Variants in PARVA observed in about 807,000 individuals in gnomAD.
The protein encoded by PARVA is parvin alpha, also known as alpha-parvin.
Under a neutral mutation model 52.6 loss-of-function variants are expected in PARVA, and 25 were observed. The ratio of observed to expected loss-of-function variants is 0.48; its 90% CI spans 0.35 to 0.66. PARVA has a LOEUF of 0.66. Among genes scored for constraint, PARVA ranks in the 30% least tolerant of loss-of-function variants. The probability of loss-of-function intolerance (pLI) is 0.01; values close to 1 mark genes in which losing one functional copy is unlikely to be tolerated. For missense variants in PARVA, 373 were observed against 450.9 expected (o/e 0.83, Z 1.56); for synonymous variants, 185 against 179.1 (o/e 1.03, Z -0.26).
intron 1 of PARVA, among the ~76,000 whole-genome samples, chr11:12,451,509 A>G (rs964589063): frequency 1.3e-5 from 2 of 151,600 alleles, no homozygotes; most frequent in Admixed American, 6.6e-5. Flanking sequence ...TATCCTATTT[A>G]TATCAAACAT....
At chr11:12,381,720 TAAAG>T in intron 1 of PARVA, among the ~76,000 whole-genome samples, 1 of 152,196 alleles carries the variant, frequency 6.6e-6, no homozygotes, top group East Asian at 1.9e-4. Context: ...GAAAATGTTA[TAAAG>T]AAAATCATAA....
chr11:12,441,906 G>C (rs562160448), intron 1 of PARVA, among the ~76,000 whole-genome samples: 96 of 152,364 alleles, frequency 6.3e-4, no homozygotes, highest in African/African-American at 2.2e-3. Flanking sequence ...AAAATGTATA[G>C]TAATAGTTGA....
At chr11:12,472,009 A>C (rs1940941787) in intron 1 of PARVA, among the ~76,000 whole-genome samples, 1 of 152,242 alleles carries the variant, frequency 6.6e-6, no homozygotes, top group South Asian at 2.1e-4. Flanking sequence ...CTGAGAAAGA[A>C]AGAAAACTGG....
intron 5 of PARVA, 62 bp downstream of exon 5, chr11:12,496,660 T>C: frequency 6.5e-7 from 1 of 1,530,306 alleles, no homozygotes; most frequent in Non-Finnish European, 8.9e-7. Flanking sequence ...CCATGGGGCT[T>C]CCCCAAGAAG....
intron 1 of PARVA, among the ~76,000 whole-genome samples, chr11:12,441,985 C>T (rs139518726): frequency 0.018 from 2,797 of 152,278 alleles, 32 homozygotes; most frequent in Non-Finnish European, 0.028. Flanking sequence ...GGAAAATTGC[C>T]GACAGGTCGA....
At chr11:12,496,387 A>T in intron 4 of PARVA, 71 bp from the exon 5 acceptor site, 1 of 1,339,166 alleles carries the variant, frequency 7.5e-7, no homozygotes, top group Non-Finnish European at 1.0e-6. Context: ...CGAATAACTG[A>T]GTAAGTGCAT....
intron 3 of PARVA, 50 bp from the exon 4 acceptor site, chr11:12,477,797 C>A: frequency 6.4e-6 from 6 of 931,740 alleles, no homozygotes; most frequent in Non-Finnish European, 1.1e-5. Flanking sequence ...AAGAAAATAC[C>A]CCATAACTCT....
At chr11:12,502,640 G>A (rs183283050) in intron 5 of PARVA, among the ~76,000 whole-genome samples, 71 of 152,164 alleles carry the variant, frequency 4.7e-4, no homozygotes, top group Non-Finnish European at 6.5e-4. Context: ...GCATCAGAGA[G>A]AAAACTCCCA....
intron 1 of PARVA, among the ~76,000 whole-genome samples, chr11:12,412,764 C>T (rs1318097642): frequency 3.3e-5 from 5 of 152,186 alleles, no homozygotes; most frequent in African/African-American, 7.2e-5. Flanking sequence ...TTGTTATATG[C>T]GCAAGCAGAC....
At chr11:12,395,255 TA>T (rs940119789) in intron 1 of PARVA, among the ~76,000 whole-genome samples, 3 of 151,956 alleles carry the variant, frequency 2.0e-5, no homozygotes, top group Non-Finnish European at 2.9e-5. Flanking sequence ...CTGTATAATT[TA>T]AAAAAAAAGA....
chr11:12,378,271 C>T (rs1487796322), intron 1 of PARVA, among the ~76,000 whole-genome samples: 1 of 152,196 alleles, frequency 6.6e-6, no homozygotes, highest in Non-Finnish European at 1.5e-5. Flanking sequence ...GTTTCCTGGA[C>T]CTGCTGACGT....
intron 6 of PARVA, among the ~76,000 whole-genome samples, chr11:12,505,184 C>T (rs1456352744): frequency 6.6e-6 from 1 of 152,192 alleles, no homozygotes; most frequent in Non-Finnish European, 1.5e-5. Context: ...AAAGGTCATC[C>T]TTTTGTTTGC....
At chr11:12,444,184 C>T (rs888383604) in intron 1 of PARVA, among the ~76,000 whole-genome samples, 5 of 152,196 alleles carry the variant, frequency 3.3e-5, no homozygotes, top group African/African-American at 7.2e-5. Flanking sequence ...TTGGCAGAAG[C>T]GGAATCCAGA....
At chr11:12,524,002 G>C (rs1330006307) in intron 12 of PARVA, among the ~76,000 whole-genome samples, 1 of 152,194 alleles carries the variant, frequency 6.6e-6, no homozygotes, top group East Asian at 1.9e-4. Context: ...ATAAGAACAG[G>C]TGATAAGTGA....
chr11:12,381,532 T>C (rs1939486506), intron 1 of PARVA, among the ~76,000 whole-genome samples: 1 of 152,220 alleles, frequency 6.6e-6, no homozygotes, highest in Admixed American at 6.5e-5. Context: ...CCTTGAACTA[T>C]GTGGGGGTTA....
At chr11:12,389,562 T>C (rs1589938237) in intron 1 of PARVA, among the ~76,000 whole-genome samples, 1 of 152,216 alleles carries the variant, frequency 6.6e-6, no homozygotes, top group East Asian at 1.9e-4. Context: ...GTAGAAGCAT[T>C]TAGGTGGAAC....
In PARVA at chr11:12,533,802, AGTAGGC is replaced by A. The variant is rs1941801485; in HGVS notation, c.*5879_*5884del. On this transcript the variant is annotated 3_prime_UTR_variant, in exon 13 of 13. Coordinates refer to ENST00000334956, the MANE Select transcript of PARVA (RefSeq NM_018222.5). ...CCTCATCCTCATGGTCATCACATTG[AGTAGGC>A]GGAGGAGGAGGAGGAGGAGGAGGAG... 9.2e-6 allele frequency among the ~76,000 whole-genome samples: 1 copy of A among 108,632 alleles called. No individual in the cohort carries two copies. The highest frequency in any genetic ancestry group is 2.8e-4 in the South Asian group (1 of 3,584). The allele number at this position is 108,632 out of a possible 152,430, so 71.3% of individuals were successfully genotyped here. A position where few individuals can be genotyped will look rare whatever the true frequency, so the allele number is the denominator to read the frequency against.
intron 1 of PARVA, among the ~76,000 whole-genome samples, chr11:12,429,598 G>A (rs1327564234): frequency 6.6e-6 from 1 of 152,096 alleles, no homozygotes; most frequent in Non-Finnish European, 1.5e-5. Context: ...GCTAACCTAT[G>A]GTTAGCCATG....
chr11:12,418,074 G>T (rs181426695), intron 1 of PARVA, among the ~76,000 whole-genome samples: 1 of 152,232 alleles, frequency 6.6e-6, no homozygotes, highest in Admixed American at 6.5e-5. Context: ...TCATTGGAAG[G>T]TTCCTGCTGG....
Sources: gnomAD v4.1 joint callset for allele counts (sites outside exome capture counted in the v4.1 genomes callset) on GRCh38, gnomAD v4.1.1 for gene constraint, MANE v1.5 for transcripts, NCBI Gene and HGNC (gene_info 2026-07-23, HGNC 2026-07-21) for gene names.